CNTLN: variants seen among roughly 807,000 people sequenced by gnomAD.
CNTLN encodes centlein, centrosomal protein.
A neutral mutation model predicts 180.0 loss-of-function variants in CNTLN; 212 were observed. The observed-to-expected ratio is 1.18, with a 90% CI of 1.05 to 1.32. CNTLN has a LOEUF of 1.32. Among genes scored for constraint, CNTLN ranks in the 40% most tolerant of loss-of-function variants. The pLI is 0.00. For missense variants in CNTLN, 2,095 were observed against 1,610.9 expected, an observed-to-expected ratio of 1.30 and a Z score of -5.14; for synonymous variants, 722 against 563.1, an observed-to-expected ratio of 1.28 and a Z score of -3.99.
chr9:17,367,957 A>T (rs556605960), intron 13 of CNTLN, among the ~76,000 whole-genome samples: 1 of 152,240 alleles, frequency 6.6e-6, no homozygotes, highest in East Asian at 1.9e-4. Flanking sequence ...CCTGCATGAG[A>T]AAAGCAGAGG....
At chr9:17,504,947 A>G (rs1034453008), downstream of CNTLN, among the ~76,000 whole-genome samples, 5 of 152,176 alleles carry the variant, frequency 3.3e-5, no homozygotes, top group Non-Finnish European at 1.5e-5. Flanking sequence ...CTGCAACAAT[A>G]GAAAACAAAT....
chr9:17,527,009 C>G, the CNTLN span, among the ~76,000 whole-genome samples: 139 of 152,252 alleles, frequency 9.1e-4, no homozygotes, highest in African/African-American at 3.2e-3. Context: ...TCCCAAGTAG[C>G]TGGGATTATA....
chr9:17,287,908 A>G (rs1829092748), intron 6 of CNTLN, among the ~76,000 whole-genome samples: 2 of 142,396 alleles, frequency 1.4e-5, no homozygotes, highest in African/African-American at 2.8e-5. Context: ...TTTTTTCTTT[A>G]TTAGTCTTGC....
At chr9:17,345,661 A>G (rs1237458803) in intron 12 of CNTLN, among the ~76,000 whole-genome samples, 1 of 151,712 alleles carries the variant, frequency 6.6e-6, no homozygotes, top group Admixed American at 6.6e-5. Flanking sequence ...ACATACCTTT[A>G]CCCTTCTCCA....
At chr9:17,174,081 G>A (rs1820571854) in intron 2 of CNTLN, among the ~76,000 whole-genome samples, 1 of 152,152 alleles carries the variant, frequency 6.6e-6, no homozygotes, top group Non-Finnish European at 1.5e-5. Context: ...TTGTATAAAT[G>A]GAATCAGACA....
chr9:17,222,833 T>C (rs1263148760), intron 2 of CNTLN, among the ~76,000 whole-genome samples: 1 of 152,060 alleles, frequency 6.6e-6, no homozygotes, highest in African/African-American at 2.4e-5. Flanking sequence ...ATTACTGGCT[T>C]ATCCTTCTTA....
intron 13 of CNTLN, among the ~76,000 whole-genome samples, chr9:17,381,174 C>G (rs1825223573): frequency 6.6e-6 from 1 of 152,194 alleles, no homozygotes; most frequent in Non-Finnish European, 1.5e-5. Flanking sequence ...ACAGCCAAAT[C>G]CCGAGCCATG....
chr9:17,387,689 A>T (rs1825782947), intron 13 of CNTLN, among the ~76,000 whole-genome samples: 1 of 152,068 alleles, frequency 6.6e-6, no homozygotes, highest in Non-Finnish European at 1.5e-5. Flanking sequence ...TCACTTGAAA[A>T]AAAGGTTGTG....
intron 6 of CNTLN, among the ~76,000 whole-genome samples, chr9:17,280,264 T>C (rs1385956008): frequency 6.6e-6 from 1 of 152,174 alleles, no homozygotes; most frequent in Non-Finnish European, 1.5e-5. Context: ...GTTCTCAGTA[T>C]CTTCTCTTTC....
At chr9:17,453,391 A>T (rs992093677) in intron 18 of CNTLN, among the ~76,000 whole-genome samples, 5 of 152,196 alleles carry the variant, frequency 3.3e-5, no homozygotes, top group South Asian at 2.1e-4. Context: ...AACAAAATTA[A>T]TCCAGAGTGA....
intron 23 of CNTLN, among the ~76,000 whole-genome samples, chr9:17,470,651 A>G (rs542061021): frequency 3.3e-5 from 5 of 152,042 alleles, no homozygotes; most frequent in African/African-American, 1.2e-4. Context: ...ATAACTGAAT[A>G]AAACACACAA....
At chr9:17,337,248 A>G (rs1215745244) in intron 10 of CNTLN, among the ~76,000 whole-genome samples, 2 of 151,940 alleles carry the variant, frequency 1.3e-5, no homozygotes, top group East Asian at 1.9e-4. Flanking sequence ...AATTTTTTCC[A>G]TTCTGTAGGT....
At chr9:17,135,651 GCCT>G (rs143238660) in intron 1 of CNTLN, among the ~76,000 whole-genome samples, 6,432 of 152,186 alleles carry the variant, frequency 0.042, 439 homozygotes, top group African/African-American at 0.15. Flanking sequence ...GACAGGCTTC[GCCT>G]CCGCGCCCGG....
At chr9:17,364,970 A>G (rs1040111362) in intron 12 of CNTLN, among the ~76,000 whole-genome samples, 16 of 152,288 alleles carry the variant, frequency 1.1e-4, no homozygotes, top group African/African-American at 3.8e-4. Flanking sequence ...CTAACCAGAT[A>G]AGTTCAGATA....
intron 2 of CNTLN, among the ~76,000 whole-genome samples, chr9:17,146,384 T>A (rs557065712): frequency 6.6e-6 from 1 of 152,168 alleles, no homozygotes; most frequent in South Asian, 2.1e-4. Context: ...TTCTTCTGTT[T>A]GCTCTATGCT....
the CNTLN span, among the ~76,000 whole-genome samples, chr9:17,523,429 G>T: frequency 7.7e-4 from 117 of 152,058 alleles, no homozygotes; most frequent in Middle Eastern, 3.4e-3. Flanking sequence ...TAGAGACGGG[G>T]TTTCATCATG....
chr9:17,403,702 C>G (rs1827157535), intron 15 of CNTLN, among the ~76,000 whole-genome samples: 1 of 151,706 alleles, frequency 6.6e-6, no homozygotes, highest in Non-Finnish European at 1.5e-5. Context: ...ATCTTGATCT[C>G]AACCTTGGAG....
intron 12 of CNTLN, 77 bp from the exon 13 acceptor site, chr9:17,366,540 T>C (rs1037738928): frequency 3.3e-6 from 2 of 608,864 alleles, no homozygotes; most frequent in Non-Finnish European, 5.7e-6. Context: ...TATTTAGAAA[T>C]ATATTTAAAT....
chr9:17,369,474 CAG>C (rs1402547163), intron 13 of CNTLN, among the ~76,000 whole-genome samples: 10 of 151,874 alleles, frequency 6.6e-5, no homozygotes, highest in Non-Finnish European at 1.5e-4. Flanking sequence ...GCCTTTCAGA[CAG>C]AGAATTCCAA....
Sources: gnomAD v4.1 joint callset for allele counts (sites outside exome capture counted in the v4.1 genomes callset) on GRCh38, gnomAD v4.1.1 for gene constraint, MANE v1.5 for transcripts, NCBI Gene and HGNC (gene_info 2026-07-23, HGNC 2026-07-21) for gene names.